The following DGKB variants were observed in gnomAD, a reference collection of about 807,000 sequenced individuals.
DGKB encodes the protein diacylglycerol kinase beta.
In DGKB, 67 loss-of-function variants were observed where a neutral mutation model predicts 114.3. The ratio of observed to expected loss-of-function variants is 0.59; its 90% CI spans 0.48 to 0.72. DGKB has a LOEUF of 0.72. Among genes scored for constraint, DGKB ranks in the 30% least tolerant of loss-of-function variants. The probability of loss-of-function intolerance (pLI) is 0.00; values close to 1 mark genes in which losing one functional copy is unlikely to be tolerated. For synonymous variants in DGKB, 398 were observed against 323.1 expected (o/e 1.23, Z -2.49); for missense variants, 907 against 975.2 (o/e 0.93, Z 0.93).
intron 2 of DGKB, among the ~76,000 whole-genome samples, chr7:14,837,930 G>A (rs762421791): frequency 1.3e-4 from 20 of 152,050 alleles, no homozygotes; most frequent in South Asian, 2.1e-4. Context: ...TAAAAATAGC[G>A]TAATAATCAT....
intron 21 of DGKB, among the ~76,000 whole-genome samples, chr7:14,393,287 T>G (rs57122323): frequency 6.6e-6 from 1 of 151,924 alleles, no homozygotes; most frequent in Admixed American, 6.6e-5. Context: ...CCGCGCCCGG[T>G]CAACAGACCT....
In DGKB at chr7:14,971,117, G is replaced by A. The variant is rs538457555; in HGVS notation, c.-188+3579C>T. Among the ~76,000 whole-genome samples the A allele has an allele frequency of 2.6e-5, 4 of 152,286 alleles. No homozygotes were observed. The East Asian group carries it at 7.7e-4, about 29-fold the overall frequency. On this transcript the variant is annotated intron_variant, in intron 1 of 4. Transcript: ENST00000437998. ...TCTTCCTGATGACTTCAATTGTTGGGATTAATTTCTCAGTTGAACAGCATC... is the reference window on the plus strand; with the variant it reads ...TCTTCCTGATGACTTCAATTGTTGGAATTAATTTCTCAGTTGAACAGCATC...
intron 16 of DGKB, among the ~76,000 whole-genome samples, chr7:14,608,850 T>C (rs1804996688): frequency 6.6e-6 from 1 of 151,840 alleles, no homozygotes; most frequent in Non-Finnish European, 1.5e-5. Context: ...TACCTCGGAA[T>C]ACAACTAAGG....
chr7:14,372,179 ACT>A (rs1817766797), intron 21 of DGKB, among the ~76,000 whole-genome samples: 1 of 151,402 alleles, frequency 6.6e-6, no homozygotes, highest in South Asian at 2.1e-4. Flanking sequence ...ACAGAGGGAG[ACT>A]CTCTGTCCCT....
chr7:14,728,415 G>T (rs761413043), intron 5 of DGKB, among the ~76,000 whole-genome samples: 4 of 151,982 alleles, frequency 2.6e-5, no homozygotes, highest in Admixed American at 2.0e-4. Flanking sequence ...TACCTCTCTC[G>T]CCTCTTCTGC....
chr7:14,816,621 T>C (rs2128093299), intron 2 of DGKB: 1 of 152,266 alleles, frequency 6.6e-6, no homozygotes, highest in South Asian at 2.1e-4. Context: ...TAAATCTTAA[T>C]TTTCTTGGTT....
In DGKB at chr7:14,718,704, T is replaced by C; in HGVS notation, c.323-19A>G. On this transcript the variant is annotated intron_variant, in intron 5 of 25. Transcript: ENST00000402815. ...CTCAGACCTGGAAAAAAAATTGTCT[T>C]TATATTTTGTTAATTATTTACAGTG... 1 of 1,577,894 alleles carries C rather than the reference T, an allele frequency of 6.3e-7. No individual in the cohort carries two copies. The highest frequency in any genetic ancestry group is 8.6e-7 in the Non-Finnish European group (1 of 1,158,434).
At chr7:14,371,572 T>C (rs555479524) in intron 21 of DGKB, among the ~76,000 whole-genome samples, 13 of 152,330 alleles carry the variant, frequency 8.5e-5, no homozygotes, top group African/African-American at 2.9e-4. Context: ...TAGACCTTTG[T>C]CAGATGCATA....
intron 20 of DGKB, among the ~76,000 whole-genome samples, chr7:14,489,421 A>G (rs1784298550): frequency 6.6e-6 from 1 of 152,180 alleles, no homozygotes; most frequent in Non-Finnish European, 1.5e-5. Context: ...TCAATAATCA[A>G]GATATCTTTC....
At chr7:14,713,068 T>C (rs1297902012) in intron 6 of DGKB, among the ~76,000 whole-genome samples, 2 of 152,102 alleles carry the variant, frequency 1.3e-5, no homozygotes, top group East Asian at 3.9e-4. Flanking sequence ...TTTTTTCCTA[T>C]TTTTATGCTC....
chr7:14,243,927 CTT>C (rs557995898), intron 23 of DGKB, among the ~76,000 whole-genome samples: 62 of 152,226 alleles, frequency 4.1e-4, no homozygotes, highest in African/African-American at 1.4e-3. Flanking sequence ...AATCACCTAA[CTT>C]GAGTAAAATG....
intron 5 of DGKB, among the ~76,000 whole-genome samples, chr7:14,721,774 C>A (rs183176876): frequency 6.6e-6 from 1 of 151,982 alleles, no homozygotes; most frequent in East Asian, 1.9e-4. Context: ...ATAGAGTGCA[C>A]TGAAGAAGAA....
chr7:14,550,880 A>G (rs1157215785), intron 20 of DGKB, among the ~76,000 whole-genome samples: 3 of 152,224 alleles, frequency 2.0e-5, no homozygotes, highest in African/African-American at 7.2e-5. Flanking sequence ...ATGAAATTTA[A>G]AAAAGACTTT....
chr7:14,775,522 A>C (rs2884377), intron 2 of DGKB, among the ~76,000 whole-genome samples: 8,950 of 151,584 alleles, frequency 0.059, 374 homozygotes, highest in Admixed American at 0.11. Flanking sequence ...TAATCTCCAC[A>C]TGTTGTGGGA....
intron 23 of DGKB, among the ~76,000 whole-genome samples, chr7:14,249,107 G>A (rs1160167403): frequency 2.0e-5 from 3 of 152,014 alleles, no homozygotes; most frequent in Admixed American, 6.6e-5. Context: ...GGGATCACAT[G>A]GTTTTTGTAC....
intron 20 of DGKB, among the ~76,000 whole-genome samples, chr7:14,568,058 GA>G (rs1264345718): frequency 6.6e-6 from 1 of 152,144 alleles, no homozygotes; most frequent in African/African-American, 2.4e-5. Flanking sequence ...GATATTTAAA[GA>G]TATCTGTAGT....
chr7:14,424,986 T>A (rs1485830148), intron 21 of DGKB, among the ~76,000 whole-genome samples: 1 of 152,172 alleles, frequency 6.6e-6, no homozygotes, highest in African/African-American at 2.4e-5. Context: ...AAGTCTCACA[T>A]AAATACATAT....
At chr7:14,488,985 G>T (rs1784238664) in intron 20 of DGKB, among the ~76,000 whole-genome samples, 1 of 152,112 alleles carries the variant, frequency 6.6e-6, no homozygotes, top group African/African-American at 2.4e-5. Flanking sequence ...AATTAAAAGT[G>T]TAATCCAACA....
In DGKB at chr7:14,878,756, A is replaced by AAAC. The variant is rs1214075000; in HGVS notation, c.-188+23835_-188+23836insGTT. Among the ~76,000 whole-genome samples, 77 of 29,196 alleles carry AAAC rather than the reference A, an allele frequency of 2.6e-3. 2 individuals are homozygous for AAAC. Among genetic ancestry groups the AAAC allele is most frequent in the Non-Finnish European group, 7.1e-3 (64 of 9,028 alleles). 19.2% of individuals were successfully genotyped at this position (29,196 alleles called of 152,430 possible). A position where few individuals can be genotyped will look rare whatever the true frequency, so the allele number is the denominator to read the frequency against. ...AGCGTGAGACTCCGTCTCAAAAAAC[A>AAAC]AAAAAAAAAAAACAAAAAAAAAAAA... On this transcript the variant is annotated intron_variant, in intron 1 of 25. Transcript: ENST00000402815.
Sources: allele counts gnomAD v4.1 joint callset (sites outside exome capture counted in the v4.1 genomes callset), GRCh38; gene constraint gnomAD v4.1.1; transcripts MANE v1.5; gene names NCBI Gene and HGNC (gene_info 2026-07-23, HGNC 2026-07-21).